The following UBE4B variants were observed in gnomAD, a reference collection of about 807,000 sequenced individuals.
UBE4B encodes ubiquitin conjugation factor E4 B.
In UBE4B, 27 loss-of-function variants were observed where a neutral mutation model predicts 148.1. The observed-to-expected ratio is 0.18, with a 90% CI of 0.13 to 0.25. The LOEUF is 0.25. Ranked by LOEUF, UBE4B falls within the 10% of genes least tolerant of loss-of-function variation. The pLI, the probability that UBE4B is intolerant of heterozygous loss-of-function variation, is 1.00. For missense variants in UBE4B, 1,170 were observed against 1,662.4 expected (o/e 0.70, Z 5.15); for synonymous variants, 596 against 619.3 (o/e 0.96, Z 0.56).
chr1:10,113,833 G>A (rs1165541952), intron 7 of UBE4B, among the ~76,000 whole-genome samples: 1 of 152,116 alleles, frequency 6.6e-6, no homozygotes, highest in African/African-American at 2.4e-5. Flanking sequence ...TTGGGAGGCC[G>A]AAATGGGTAG....
intron 17 of UBE4B, among the ~76,000 whole-genome samples, chr1:10,142,399 G>A (rs956012857): frequency 2.6e-5 from 4 of 152,170 alleles, no homozygotes; most frequent in African/African-American, 4.8e-5. Context: ...TCGGCCCAGC[G>A]CAGTGGCTCA....
At chr1:10,077,992 A>G (rs758013386) in intron 2 of UBE4B, among the ~76,000 whole-genome samples, 23 of 151,422 alleles carry the variant, frequency 1.5e-4, no homozygotes, top group Admixed American at 4.6e-4. Flanking sequence ...CCACTTTTTT[A>G]TAGTTAACAC....
intron 22 of UBE4B, among the ~76,000 whole-genome samples, chr1:10,160,751 A>T (rs1209825467): frequency 6.6e-6 from 1 of 152,148 alleles, no homozygotes; most frequent in African/African-American, 2.4e-5. Context: ...GTTTGAGACC[A>T]GCCCTGGCAA....
rs555185834 is a variant in UBE4B at position 10,054,738 on chromosome 1, T to G, written c.25-17290T>G. ...GGTAACACTTGCGGGGCATTTTTTTTGGAACAGTACCCATTCCCTTGGTGT... is the reference window on the plus strand; with the variant it reads ...GGTAACACTTGCGGGGCATTTTTTTGGGAACAGTACCCATTCCCTTGGTGT... On this transcript the variant is annotated intron_variant, in intron 1 of 27. Coordinates refer to ENST00000343090, the MANE Select transcript of UBE4B (RefSeq NM_001105562.3). 80 of 236,932 alleles carry G rather than the reference T, an allele frequency of 3.4e-4. 3 individuals carry two copies. The South Asian group carries it at 5.0e-3, about 15-fold the overall frequency. The allele number at this position is 236,932 out of a possible 1,614,324, so 14.7% of individuals were successfully genotyped here. A position where few individuals can be genotyped will look rare whatever the true frequency, so the allele number is the denominator to read the frequency against.
At chr1:10,115,840 C>CAT (rs749467853) in intron 7 of UBE4B, among the ~76,000 whole-genome samples, 20 of 152,276 alleles carry the variant, frequency 1.3e-4, no homozygotes, top group Non-Finnish European at 2.8e-4. Flanking sequence ...ACACTCTAGG[C>CAT]AATTAGATGC....
intron 15 of UBE4B, among the ~76,000 whole-genome samples, chr1:10,133,414 T>C (rs1645628176): frequency 1.3e-5 from 2 of 152,054 alleles, no homozygotes; most frequent in African/African-American, 4.8e-5. Context: ...GCTGTTAGAG[T>C]GGTGCCTGGT....
intron 25 of UBE4B, among the ~76,000 whole-genome samples, chr1:10,174,254 CACA>C (rs1324783800): frequency 1.3e-5 from 2 of 151,564 alleles, no homozygotes; most frequent in Non-Finnish European, 1.5e-5. Flanking sequence ...ATTAGCCGGG[CACA>C]GTGGAAGGCG....
At chr1:10,146,594 G>C (rs940701250) in intron 18 of UBE4B, among the ~76,000 whole-genome samples, 4 of 152,180 alleles carry the variant, frequency 2.6e-5, no homozygotes, top group African/African-American at 9.7e-5. Context: ...CAGCTCGTAA[G>C]AGGCGACACT....
intron 22 of UBE4B, among the ~76,000 whole-genome samples, chr1:10,159,411 G>T (rs962163605): frequency 9.9e-5 from 15 of 152,216 alleles, no homozygotes; most frequent in Non-Finnish European, 2.1e-4. Context: ...GGTGGCTCAT[G>T]CCTGTAATCC....
intron 26 of UBE4B, 41 bp from the exon 27 acceptor site, chr1:10,179,375 G>C (rs1466970415): frequency 1.2e-6 from 2 of 1,600,578 alleles, no homozygotes; most frequent in Non-Finnish European, 1.7e-6. Context: ...TCAGTCGTGG[G>C]CTCTCAGTAG....
intron 7 of UBE4B, chr1:10,107,344 A>G (rs1208183741): frequency 4.7e-6 from 6 of 1,288,922 alleles, no homozygotes; most frequent in African/African-American, 3.0e-5. Context: ...GGTGGTGGTG[A>G]TGATTTTTCT....
chr1:10,069,096 A>G lies in UBE4B; in HGVS notation c.25-2932A>G, dbSNP rs186357077. Among the ~76,000 whole-genome samples, 72 of 152,306 alleles carry G rather than the reference A, an allele frequency of 4.7e-4. 1 individual carries two copies. The highest frequency in any genetic ancestry group is 2.9e-5 in the Non-Finnish European group (2 of 68,012). The stretch of plus-strand genomic sequence containing the variant: ...GAATCCTTTCTTTCTTCAACCGCAT[A>G]TTATAGTGAGTCAGAACATTTATTC... On this transcript the variant is annotated intron_variant, in intron 1 of 27. Transcript: ENST00000343090.
At chr1:10,075,154 C>T (rs1644556765) in intron 2 of UBE4B, among the ~76,000 whole-genome samples, 1 of 152,186 alleles carries the variant, frequency 6.6e-6, no homozygotes. Context: ...CTGTTTATCT[C>T]TGCTTCTGTA....
Position 10,161,953 on chromosome 1 carries a change from A to G in UBE4B, c.3198+667A>G, listed in dbSNP as rs1271287816. Among the ~76,000 whole-genome samples the G allele has an allele frequency of 6.6e-6, 1 of 151,574 alleles. No individual in the cohort carries two copies. Among genetic ancestry groups the G allele is most frequent in the African/African-American group, 2.4e-5 (1 of 41,188 alleles). On this transcript the variant is annotated intron_variant, in intron 23 of 27. Coordinates refer to ENST00000343090, the MANE Select transcript of UBE4B (RefSeq NM_001105562.3). The surrounding 1 kb of genome is among the most constrained non-coding windows in gnomAD (Gnocchi z 4.1). ...GCTCAGAATCAGAACTGATTTCCAT[A>G]AGGGGTTCTCATGTCAAAGTGGGGA...
chr1:10,093,296 G>A (rs1274204064), intron 2 of UBE4B, among the ~76,000 whole-genome samples: 1 of 152,086 alleles, frequency 6.6e-6, no homozygotes, highest in East Asian at 1.9e-4. Context: ...TTGTGATGGT[G>A]TATTATTTAT....
intron 17 of UBE4B, among the ~76,000 whole-genome samples, chr1:10,142,006 A>G (rs1165516995): frequency 6.6e-6 from 1 of 151,752 alleles, no homozygotes; most frequent in Non-Finnish European, 1.5e-5. Flanking sequence ...ATTAATTCAC[A>G]TTTCCTGGAG....
At chr1:10,101,962 T>C (rs1225782443) in intron 4 of UBE4B, among the ~76,000 whole-genome samples, 3 of 150,420 alleles carry the variant, frequency 2.0e-5, no homozygotes, top group African/African-American at 7.5e-5. Context: ...CTGAGCTTAG[T>C]GCTCTGCATT....
intron 2 of UBE4B, among the ~76,000 whole-genome samples, chr1:10,077,829 C>T (rs753292831): frequency 6.6e-6 from 1 of 152,134 alleles, no homozygotes; most frequent in Non-Finnish European, 1.5e-5. Flanking sequence ...GATAACATAA[C>T]TAGTGCCTAT....
chr1:10,158,013 AG>A (rs1410956418), intron 21 of UBE4B, among the ~76,000 whole-genome samples: 3 of 152,282 alleles, frequency 2.0e-5, no homozygotes, highest in African/African-American at 7.2e-5. Flanking sequence ...TGTCCATTTG[AG>A]GTGCCATAGA....
Sources: gnomAD v4.1 joint callset for allele counts (sites outside exome capture counted in the v4.1 genomes callset) on GRCh38, gnomAD v4.1.1 for gene constraint, Gnocchi (gnomAD v3.1) non-coding constraint, MANE v1.5 for transcripts, NCBI Gene and HGNC (gene_info 2026-07-23, HGNC 2026-07-21) for gene names.